Variants in GAREM1 observed in about 807,000 individuals in gnomAD.
GAREM1 encodes GRB2 associated regulator of MAPK1 subtype 1.
GAREM1 carries 26 observed loss-of-function variants against 71.3 expected under a neutral mutation model. That is an observed-to-expected ratio of 0.36 (90% CI 0.27 to 0.51). The LOEUF is 0.51. Ranked by LOEUF, GAREM1 falls within the 20% of genes least tolerant of loss-of-function variation. The probability of loss-of-function intolerance (pLI) is 0.95; values close to 1 mark genes in which losing one functional copy is unlikely to be tolerated. For missense variants in GAREM1, 1,026 were observed against 1,103.1 expected (o/e 0.93, Z 0.99); for synonymous variants, 440 against 433.2 (o/e 1.02, Z -0.20).
At chr18:32,381,752 G>T (rs1001561680) in intron 2 of GAREM1, among the ~76,000 whole-genome samples, 1 of 152,222 alleles carries the variant, frequency 6.6e-6, no homozygotes, top group Admixed American at 6.5e-5. Context: ...AGGGCACAGA[G>T]ATTATAGTTC....
At chr18:32,294,851 C>T (rs1460625915) in intron 3 of GAREM1, among the ~76,000 whole-genome samples, 1 of 152,022 alleles carries the variant, frequency 6.6e-6, no homozygotes. Flanking sequence ...GTGGTGGTGA[C>T]AGTGAGCATT....
chr18:32,267,935 T>G lies in GAREM1; in HGVS notation c.2567A>C (p.Lys856Thr), dbSNP rs2041397408. ...LTEEILSEDF[K>T]LSKLQVKKIM... Reference sequence around the variant, plus strand: ...CTTCTTCACCTGCAATTTGCTCAATTTGAAATCCTCTGAGAGGATTTCTTC... The same window carrying G: ...CTTCTTCACCTGCAATTTGCTCAATGTGAAATCCTCTGAGAGGATTTCTTC... The change falls in exon 6 of 6, where the codon AAA (lysine) becomes ACA (threonine). Residue 856 changes from lysine (K) to threonine (T), a missense_variant. Around this residue, in one of 3 missense-constraint regions of GAREM1, gnomAD observed 636 missense variants for 631.2 expected, o/e 1.01. Transcript: ENST00000269209. 5 of 1,614,092 alleles carry G rather than the reference T, an allele frequency of 3.1e-6. No homozygotes were observed. Among genetic ancestry groups the G allele is most frequent in the Non-Finnish European group, 4.2e-6 (5 of 1,179,984 alleles).
intron 4 of GAREM1, among the ~76,000 whole-genome samples, chr18:32,284,752 C>CT (rs34946592): frequency 0.015 from 1,870 of 121,190 alleles, 20 homozygotes; most frequent in African/African-American, 0.034. Context: ...TGCCCCCTTA[C>CT]TTTTTTTTTT....
At chr18:32,410,338 T>C (rs1388388956) in intron 1 of GAREM1, among the ~76,000 whole-genome samples, 2 of 152,148 alleles carry the variant, frequency 1.3e-5, no homozygotes, top group Admixed American at 1.3e-4. Context: ...GTTGAAATTG[T>C]GGTTTACTTA....
rs377692665 is a variant in GAREM1, at chr18:32,265,826, G to A, written c.*2045C>T. 4 of 152,140 alleles carry A rather than the reference G, an allele frequency of 2.6e-5. No individual in the cohort carries two copies. The highest frequency in any genetic ancestry group is 5.9e-5 in the Non-Finnish European group (4 of 68,026). 9.4% of individuals were successfully genotyped at this position (152,140 alleles called of 1,614,324 possible). ...GTCCGAGTGCTAAGTATTTTAAAAC[G>A]GATTCAGCTAGGTTTGCCAATGAAA... On this transcript the variant is annotated 3_prime_UTR_variant, in exon 6 of 6. Coordinates refer to ENST00000269209, the MANE Select transcript of GAREM1 (RefSeq NM_001242409.2).
At chr18:32,443,332 C>T (rs1054459100) in intron 1 of GAREM1, among the ~76,000 whole-genome samples, 1 of 151,942 alleles carries the variant, frequency 6.6e-6, no homozygotes, top group African/African-American at 2.4e-5. Flanking sequence ...CAAAGGATAC[C>T]ATCAAGAAAG....
At chr18:32,436,221 G>A (rs2048676678) in intron 1 of GAREM1, among the ~76,000 whole-genome samples, 1 of 152,142 alleles carries the variant, frequency 6.6e-6, no homozygotes, top group Non-Finnish European at 1.5e-5. Context: ...TTTCAGAGTT[G>A]GGGAAATACG....
At chr18:32,363,546 C>T (rs1028832174) in intron 2 of GAREM1, among the ~76,000 whole-genome samples, 10 of 151,910 alleles carry the variant, frequency 6.6e-5, no homozygotes, top group African/African-American at 1.2e-4. Context: ...CTTTTTGAAC[C>T]GGGCACTGAA....
intron 2 of GAREM1, among the ~76,000 whole-genome samples, chr18:32,324,092 AAC>A (rs1567964609): frequency 6.6e-6 from 1 of 152,354 alleles, no homozygotes; most frequent in Non-Finnish European, 1.5e-5. Context: ...TGACATATGC[AAC>A]ACAAACAGAC....
At chr18:32,282,524 C>A (rs2046965451) in intron 4 of GAREM1, among the ~76,000 whole-genome samples, 2 of 152,134 alleles carry the variant, frequency 1.3e-5, no homozygotes, top group South Asian at 4.1e-4. Context: ...TGTGAACCTG[C>A]AGGGTTTTTG....
chr18:32,424,945 T>C (rs1156474677), intron 1 of GAREM1, among the ~76,000 whole-genome samples: 1 of 152,144 alleles, frequency 6.6e-6, no homozygotes, highest in Non-Finnish European at 1.5e-5. Context: ...CCAAAGGGTA[T>C]ATCAAACCGT....
chr18:32,402,509 T>G (rs113937997), intron 1 of GAREM1, among the ~76,000 whole-genome samples: 20,205 of 152,010 alleles, frequency 0.13, 1,519 homozygotes, highest in African/African-American at 0.21. Flanking sequence ...TTGGCTTCTG[T>G]GCCAACAGAT....
At chr18:32,273,761 G>A (rs1167866370) in intron 4 of GAREM1, among the ~76,000 whole-genome samples, 1 of 152,102 alleles carries the variant, frequency 6.6e-6, no homozygotes, top group African/African-American at 2.4e-5. Context: ...GAAACAAACT[G>A]ATTCTTACTT....
intron 1 of GAREM1, among the ~76,000 whole-genome samples, chr18:32,429,126 G>A (rs908866268): frequency 1.1e-4 from 17 of 152,088 alleles, no homozygotes; most frequent in African/African-American, 2.9e-4. Context: ...AGTCTCTATC[G>A]TCCATATTAA....
chr18:32,412,917 T>C, intron 1 of GAREM1: 1 of 974,560 alleles, frequency 1.0e-6, no homozygotes. Context: ...GACAGCTCTC[T>C]TTGGTTCCAC....
intron 1 of GAREM1, among the ~76,000 whole-genome samples, chr18:32,448,599 T>C (rs2048805132): frequency 7.2e-6 from 1 of 139,796 alleles, no homozygotes; most frequent in Non-Finnish European, 1.5e-5. Flanking sequence ...AGGCTGGAGT[T>C]TCTTCAAGTC....
At position 32,269,226 on chromosome 18, in the gene GAREM1, C is replaced by T. The variant is rs1319382590; in HGVS notation, c.1734-458G>A. Among the ~76,000 whole-genome samples, 3 of 152,114 alleles carry T rather than the reference C, an allele frequency of 2.0e-5. No homozygotes were observed. In the East Asian group the frequency reaches 5.8e-4, roughly 29 times the overall value. ...ACACCACCCGTGACTCTATTTCCAC[C>T]CAAAAGTCTGAGGCAGGAGGAAATC... is the stretch of plus-strand genomic sequence containing the variant. On this transcript the variant is annotated intron_variant, in intron 5 of 5. Transcript: ENST00000269209.
At chr18:32,428,076 G>C (rs2048591431) in intron 1 of GAREM1, among the ~76,000 whole-genome samples, 1 of 152,178 alleles carries the variant, frequency 6.6e-6, no homozygotes, top group Admixed American at 6.5e-5. Context: ...TAAAAATGCA[G>C]TGATCTTTAA....
intron 1 of GAREM1, among the ~76,000 whole-genome samples, chr18:32,452,366 G>A (rs1012291873): frequency 3.3e-5 from 5 of 152,092 alleles, no homozygotes; most frequent in East Asian, 1.9e-4. Flanking sequence ...AGTATATTGC[G>A]GCTCTTCAAA....
Sources: allele counts gnomAD v4.1 joint callset (sites outside exome capture counted in the v4.1 genomes callset), GRCh38; gene constraint gnomAD v4.1.1; regional missense constraint gnomAD v4.1.1; transcripts MANE v1.5; gene names NCBI Gene and HGNC (gene_info 2026-07-23, HGNC 2026-07-21).